The following UGP2 variants were observed in gnomAD, a reference collection of about 807,000 sequenced individuals.
UGP2 encodes the protein UDP-glucose pyrophosphorylase 2, also known as UTP--glucose-1-phosphate uridylyltransferase.
Under a neutral mutation model 49.0 loss-of-function variants are expected in UGP2, and 40 were observed. That is an observed-to-expected ratio of 0.82 (90% confidence interval 0.63 to 1.06). The LOEUF is 1.06. Among genes scored for constraint, UGP2 ranks in the 50% least tolerant of loss-of-function variants. The pLI is 0.00. For missense variants in UGP2, 460 were observed against 603.5 expected, an observed-to-expected ratio of 0.76 and a Z score of 2.49; for synonymous variants, 225 against 213.0, an observed-to-expected ratio of 1.06 and a Z score of -0.49.
At chr2:63,889,439 TTAAG>T (rs1464866950) in intron 8 of UGP2, 1 of 152,074 alleles carries the variant, frequency 6.6e-6, no homozygotes, top group African/African-American at 2.4e-5. Context: ...GAGGCTGGCT[TTAAG>T]TAGGAATAGA....
chr2:63,855,691 G>T (rs1167496344), intron 1 of UGP2: 1 of 438,582 alleles, frequency 2.3e-6, no homozygotes. Context: ...ACAGACAAGC[G>T]CCACCACACC....
intron 3 of UGP2, among the ~76,000 whole-genome samples, chr2:63,874,652 A>G (rs1670786147): frequency 6.6e-6 from 1 of 152,126 alleles, no homozygotes; most frequent in Admixed American, 6.5e-5. Flanking sequence ...GATAGGATTT[A>G]GCAACTTAGC....
chr2:63,868,941 G>A (rs568682857), intron 3 of UGP2, among the ~76,000 whole-genome samples: 5 of 151,804 alleles, frequency 3.3e-5, no homozygotes, highest in African/African-American at 1.2e-4. Flanking sequence ...CTCTAGCCTG[G>A]GCGACAAGAG....
In UGP2 at chr2:63,857,837, A is replaced by G. The variant is rs781723340; in HGVS notation, c.156A>G (p.Lys52=). 1 of 1,613,878 alleles carries G rather than the reference A, an allele frequency of 6.2e-7. No individual in the cohort carries two copies. Among genetic ancestry groups the G allele is most frequent in the Non-Finnish European group, 8.5e-7 (1 of 1,179,914 alleles). The part of the protein sequence containing the change: ...TASSHEFEHT[K]KDLDGFRKLF... ...GACTTCTATTTTCACAGCACACCAA[A>G]AAAGACCTGGATGGATTTCGGAAGC... The change falls in exon 3 of 10, where the codon AAA becomes AAG. Residue 52 remains lysine, a synonymous_variant. Transcript: ENST00000337130.
chr2:63,868,007 T>C (rs1240548430), intron 3 of UGP2, among the ~76,000 whole-genome samples: 1 of 152,222 alleles, frequency 6.6e-6, no homozygotes, highest in African/African-American at 2.4e-5. Flanking sequence ...ATGAGTTTTA[T>C]TGAAGGATAT....
chr2:63,888,548 G>A (rs1671848733), intron 8 of UGP2: 1 of 152,254 alleles, frequency 6.6e-6, no homozygotes, highest in Non-Finnish European at 1.5e-5. Context: ...GGTGACCAGA[G>A]CTTATCCCGG....
At chr2:63,861,698 A>AC (rs943983731) in intron 3 of UGP2, among the ~76,000 whole-genome samples, 5 of 151,486 alleles carry the variant, frequency 3.3e-5, no homozygotes, top group Admixed American at 6.6e-5. Flanking sequence ...AAAAAAAAAA[A>AC]AAAAACAAAA....
intron 3 of UGP2, among the ~76,000 whole-genome samples, chr2:63,880,870 G>A (rs994111438): frequency 1.3e-5 from 2 of 152,096 alleles, no homozygotes; most frequent in African/African-American, 4.8e-5. Context: ...CAATATTTAT[G>A]TAGCACCCCC....
At chr2:63,877,999 C>CAAAAAA (rs61669991) in intron 3 of UGP2, among the ~76,000 whole-genome samples, 11 of 67,886 alleles carry the variant, frequency 1.6e-4, no homozygotes, top group Non-Finnish European at 2.3e-4. Context: ...GACTCCGTCT[C>CAAAAAA]AAAAAAAAAA....
At chr2:63,866,518 C>G (rs1670197689) in intron 3 of UGP2, among the ~76,000 whole-genome samples, 1 of 152,054 alleles carries the variant, frequency 6.6e-6, no homozygotes, top group African/African-American at 2.4e-5. Context: ...AATGTTAGAG[C>G]TGAGACTTGA....
intron 1 of UGP2, chr2:63,846,243 C>CG (rs1671923214): frequency 6.6e-6 from 1 of 152,118 alleles, no homozygotes; most frequent in Admixed American, 6.5e-5. Context: ...GTACCAGGGG[C>CG]GGGGGTCATC....
intron 5 of UGP2, among the ~76,000 whole-genome samples, chr2:63,884,773 G>A (rs1671544006): frequency 6.6e-6 from 1 of 151,954 alleles, no homozygotes; most frequent in South Asian, 2.1e-4. Flanking sequence ...AATTAGCATT[G>A]GTGGTGTGCC....
At chr2:63,866,979 C>A (rs142801116) in intron 3 of UGP2, among the ~76,000 whole-genome samples, 158 of 152,160 alleles carry the variant, frequency 1.0e-3, no homozygotes, top group African/African-American at 3.4e-3. Context: ...TTGACATTTA[C>A]CTGTTTTTAA....
At chr2:63,871,236 C>G (rs1022820972) in intron 3 of UGP2, among the ~76,000 whole-genome samples, 2 of 152,176 alleles carry the variant, frequency 1.3e-5, no homozygotes, top group Non-Finnish European at 2.9e-5. Context: ...CTGGCAAGCA[C>G]CATTCTGGTT....
rs554350486 is a variant in UGP2 at position 63,850,036 on chromosome 2, A to G, written c.20-6270A>G. ...GTGATGACTTTCTTCTCATCCATTA[A>G]ACATAAAACAAAGTGGTATTATTTA... On this transcript the variant is annotated intron_variant, in intron 1 of 9. Coordinates refer to ENST00000337130, the MANE Select transcript of UGP2 (RefSeq NM_006759.4). Among the ~76,000 whole-genome samples the G allele has an allele frequency of 5.9e-5, 9 of 152,298 alleles. No individual in the cohort carries two copies. The South Asian group carries it at 1.9e-3, about 32-fold the overall frequency.
At chr2:63,862,601 T>C (rs1390867593) in intron 3 of UGP2, among the ~76,000 whole-genome samples, 2 of 152,160 alleles carry the variant, frequency 1.3e-5, no homozygotes, top group African/African-American at 2.4e-5. Flanking sequence ...ACATATTTGA[T>C]TTGATAGACT....
At chr2:63,887,349 TTGTAGGTGCCTAAAACCTC>T in intron 7 of UGP2, 34 bp from the exon 8 acceptor site, 1 of 1,605,708 alleles carries the variant, frequency 6.2e-7, no homozygotes, top group Non-Finnish European at 8.5e-7. Flanking sequence ...TGGAACTAAG[TTGTAGGTGCCTAAAACCTC>T]TGTTTTCTAT....
At chr2:63,854,883 G>A (rs770735294) in intron 1 of UGP2, 3 of 152,254 alleles carry the variant, frequency 2.0e-5, no homozygotes, top group Non-Finnish European at 2.9e-5. Context: ...ATTTTTTCAA[G>A]TCTGCCTCTG....
chr2:63,890,049 G>A, intron 8 of UGP2, 32 bp from the exon 9 acceptor site: 1 of 1,538,446 alleles, frequency 6.5e-7, no homozygotes, highest in Non-Finnish European at 8.9e-7. Context: ...ACCCATTTGA[G>A]ACAAATTTTT....
Sources: allele counts gnomAD v4.1 joint callset (sites outside exome capture counted in the v4.1 genomes callset), GRCh38; gene constraint gnomAD v4.1.1; transcripts MANE v1.5; gene names NCBI Gene and HGNC (gene_info 2026-07-23, HGNC 2026-07-21).